The following FHIT variants were observed in gnomAD, a reference collection of about 807,000 sequenced individuals.
FHIT encodes the protein fragile histidine triad diadenosine triphosphatase.
A neutral mutation model predicts 17.9 loss-of-function variants in FHIT; 19 were observed. The ratio of observed to expected loss-of-function variants is 1.06; its 90% CI spans 0.74 to 1.56. FHIT has a LOEUF of 1.56. Ranked by LOEUF, FHIT falls within the 40% of genes most tolerant of loss-of-function variation. FHIT has a pLI of 0.00. For missense variants in FHIT, 248 were observed against 189.2 expected (o/e 1.31, Z -1.82); for synonymous variants, 81 against 69.7 (o/e 1.16, Z -0.81).
chr3:59,791,611 T>C (rs1280839191), intron 8 of FHIT, among the ~76,000 whole-genome samples: 1 of 152,198 alleles, frequency 6.6e-6, no homozygotes, highest in Non-Finnish European at 1.5e-5. Context: ...CTCTAATTTC[T>C]CTATGTTGCA....
chr3:59,911,967 A>C (rs1414468211), intron 8 of FHIT, among the ~76,000 whole-genome samples: 1 of 152,222 alleles, frequency 6.6e-6, no homozygotes, highest in African/African-American at 2.4e-5. Flanking sequence ...TCATAAAGGC[A>C]GCAGAGAGAA....
chr3:60,208,682 T>C (rs974993158), intron 5 of FHIT, among the ~76,000 whole-genome samples: 3 of 152,196 alleles, frequency 2.0e-5, no homozygotes, highest in Admixed American at 1.3e-4. Flanking sequence ...AAAAGCTTGG[T>C]TTCTCAATAG....
At chr3:59,757,923 T>C (rs753414943) in intron 8 of FHIT, among the ~76,000 whole-genome samples, 2 of 152,210 alleles carry the variant, frequency 1.3e-5, no homozygotes, top group Non-Finnish European at 1.5e-5. Flanking sequence ...TTCCAGGCTC[T>C]GTTCTAGGTC....
At chr3:61,211,650 C>T (rs985632042) in intron 1 of FHIT, among the ~76,000 whole-genome samples, 1 of 152,198 alleles carries the variant, frequency 6.6e-6, no homozygotes, top group African/African-American at 2.4e-5. Flanking sequence ...TTGAAGAGAG[C>T]AGTGGTTCTC....
chr3:60,182,913 T>TAA (rs561013009), intron 5 of FHIT, among the ~76,000 whole-genome samples: 33 of 136,728 alleles, frequency 2.4e-4, no homozygotes, highest in African/African-American at 8.1e-4. Context: ...AATGGAGGGT[T>TAA]AAAAAAAAAA....
intron 5 of FHIT, among the ~76,000 whole-genome samples, chr3:60,512,430 AC>A (rs2034986678): frequency 6.6e-6 from 1 of 152,198 alleles, no homozygotes; most frequent in African/African-American, 2.4e-5. Context: ...CTGAAAATCT[AC>A]TTAACTCCAT....
chr3:60,675,183 T>C (rs1312508478), intron 4 of FHIT, among the ~76,000 whole-genome samples: 1 of 152,206 alleles, frequency 6.6e-6, no homozygotes, highest in Non-Finnish European at 1.5e-5. Flanking sequence ...AATTTTATAG[T>C]TATTCATGAA....
chr3:60,468,101 A>G (rs1003160356), intron 5 of FHIT, among the ~76,000 whole-genome samples: 5 of 152,116 alleles, frequency 3.3e-5, no homozygotes, highest in African/African-American at 1.2e-4. Context: ...TGATATAAGC[A>G]TAGCTCCTCC....
intron 3 of FHIT, among the ~76,000 whole-genome samples, chr3:61,021,246 G>T (rs572299400): frequency 6.6e-6 from 1 of 152,086 alleles, no homozygotes; most frequent in African/African-American, 2.4e-5. Context: ...GCACCACATC[G>T]CACTTATTCT....
intron 4 of FHIT, among the ~76,000 whole-genome samples, chr3:60,589,042 T>C (rs1314605393): frequency 1.3e-5 from 2 of 152,014 alleles, no homozygotes; most frequent in Non-Finnish European, 2.9e-5. Context: ...CTATGGGTTC[T>C]ACCGGGCAGG....
At chr3:59,946,993 C>A (rs963448647) in intron 7 of FHIT, among the ~76,000 whole-genome samples, 6 of 152,072 alleles carry the variant, frequency 3.9e-5, no homozygotes, top group African/African-American at 1.4e-4. Context: ...TGTGTCTCTG[C>A]CAGATTTTGG....
chr3:60,357,862 T>C (rs893265427), intron 5 of FHIT, among the ~76,000 whole-genome samples: 20 of 152,196 alleles, frequency 1.3e-4, no homozygotes, highest in African/African-American at 4.8e-4. Context: ...AAGAATGGTT[T>C]TAGCATTCCA....
chr3:61,084,997 A>T (rs2035261879), intron 2 of FHIT, among the ~76,000 whole-genome samples: 1 of 152,166 alleles, frequency 6.6e-6, no homozygotes, highest in African/African-American at 2.4e-5. Flanking sequence ...TTCCTTTACA[A>T]TGTTGAGTAG....
intron 7 of FHIT, among the ~76,000 whole-genome samples, chr3:60,000,686 TA>T (rs11323557): frequency 0.86 from 129,001 of 150,126 alleles, 55,790 homozygotes; most frequent in African/African-American, 0.9. Context: ...GCTTAGAAAC[TA>T]AAAAAAAAAA....
chr3:59,775,575 C>T lies in FHIT; in HGVS notation c.349-23254G>A, dbSNP rs117573850. On this transcript the variant is annotated intron_variant, in intron 8 of 9. Transcript: ENST00000492590. ...ATTATAAACCAATTAAAATTCTCCT[C>T]ACACTTTTAAAAAAACTTGTTACCT... Among the ~76,000 whole-genome samples the T allele has an allele frequency of 1.4e-4, 21 of 152,270 alleles. No homozygotes were observed. In the East Asian group the frequency reaches 4.1e-3, roughly 29 times the overall value.
chr3:60,306,775 G>A (rs947453553), intron 5 of FHIT, among the ~76,000 whole-genome samples: 3 of 152,180 alleles, frequency 2.0e-5, no homozygotes, highest in African/African-American at 7.2e-5. Flanking sequence ...TTAAGGGAAT[G>A]TGTAGAAGGA....
At chr3:60,675,647 T>G (rs1716717) in intron 4 of FHIT, among the ~76,000 whole-genome samples, 124,926 of 152,144 alleles carry the variant, frequency 0.82, 52,311 homozygotes, top group Non-Finnish European at 0.91. Flanking sequence ...AGCAGTAGTC[T>G]GCTCTCTTTT....
intron 5 of FHIT, among the ~76,000 whole-genome samples, chr3:60,491,594 T>A (rs1023512349): frequency 1.3e-5 from 2 of 152,226 alleles, no homozygotes; most frequent in African/African-American, 4.8e-5. Flanking sequence ...ATACAAAATT[T>A]ATGAATGCAG....
At chr3:59,969,069 G>A (rs553863303) in intron 7 of FHIT, among the ~76,000 whole-genome samples, 2 of 152,204 alleles carry the variant, frequency 1.3e-5, no homozygotes, top group East Asian at 3.9e-4. Flanking sequence ...TCCATGTTTC[G>A]TTCATTGCTC....
Sources: gnomAD v4.1 joint callset for allele counts (sites outside exome capture counted in the v4.1 genomes callset) on GRCh38, gnomAD v4.1.1 for gene constraint, MANE v1.5 for transcripts, NCBI Gene and HGNC (gene_info 2026-07-23, HGNC 2026-07-21) for gene names.